Variants in PHLPP1 observed in about 807,000 individuals in gnomAD.
PHLPP1 encodes the protein PH domain and leucine rich repeat protein phosphatase 1, also known as PH domain leucine-rich repeat-containing protein phosphatase 1.
In PHLPP1, 42 loss-of-function variants were observed where a neutral mutation model predicts 117.2. The ratio of observed to expected loss-of-function variants is 0.36; its 90% confidence interval spans 0.28 to 0.46. The LOEUF (loss-of-function observed/expected upper bound fraction) is 0.46, where lower values mean the gene tolerates loss of function less well. Among genes scored for constraint, PHLPP1 ranks in the 20% least tolerant of loss-of-function variants. The pLI, the probability that PHLPP1 is intolerant of heterozygous loss-of-function variation, is 1.00. For missense variants in PHLPP1, 2,084 were observed against 2,241.9 expected, an observed-to-expected ratio of 0.93 and a Z score of 1.42; for synonymous variants, 1,042 against 970.7, an observed-to-expected ratio of 1.07 and a Z score of -1.37.
intron 4 of PHLPP1, among the ~76,000 whole-genome samples, chr18:62,886,462 A>G (rs372509874): frequency 6.6e-6 from 1 of 151,946 alleles, no homozygotes; most frequent in South Asian, 2.1e-4. Flanking sequence ...TTTAGTAGAG[A>G]TGGGATCTTG....
At chr18:62,882,603 C>T (rs891184353) in intron 4 of PHLPP1, among the ~76,000 whole-genome samples, 1 of 152,140 alleles carries the variant, frequency 6.6e-6, no homozygotes, top group African/African-American at 2.4e-5. Flanking sequence ...ATTCAATACA[C>T]ATTTTTAAAA....
At chr18:62,808,593 C>T (rs1030387681) in intron 1 of PHLPP1, among the ~76,000 whole-genome samples, 1 of 147,242 alleles carries the variant, frequency 6.8e-6, no homozygotes, top group African/African-American at 2.5e-5. Flanking sequence ...ACTCTTGTCG[C>T]CCAGGCTGGG....
intron 1 of PHLPP1, among the ~76,000 whole-genome samples, chr18:62,827,141 C>T (rs951442967): frequency 1.3e-5 from 2 of 152,140 alleles, no homozygotes; most frequent in Non-Finnish European, 1.5e-5. Context: ...GTGCCAAGTG[C>T]GTAAGTAAAA....
intron 4 of PHLPP1, among the ~76,000 whole-genome samples, chr18:62,893,196 C>T (rs1213165925): frequency 6.6e-6 from 1 of 152,046 alleles, no homozygotes; most frequent in Non-Finnish European, 1.5e-5. Context: ...TGCCCACCAA[C>T]ATGGCTGGCT....
At chr18:62,795,281 G>A (rs916381067) in intron 1 of PHLPP1, among the ~76,000 whole-genome samples, 1 of 151,766 alleles carries the variant, frequency 6.6e-6, no homozygotes, top group Non-Finnish European at 1.5e-5. Flanking sequence ...AGTTCACAAC[G>A]AGCCTTGGCA....
chr18:62,975,323 G>T (rs1911156660), intron 15 of PHLPP1, 74 bp from the exon 16 acceptor site: 2 of 975,778 alleles, frequency 2.0e-6, no homozygotes, highest in African/African-American at 1.6e-5. Flanking sequence ...CAGTGGTGCG[G>T]TCTTGCTGTT....
chr18:62,729,387 G>A (rs763926382), intron 1 of PHLPP1, among the ~76,000 whole-genome samples: 9 of 152,096 alleles, frequency 5.9e-5, no homozygotes, highest in African/African-American at 1.7e-4. Context: ...GAAAATCTCC[G>A]GACCCATTGC....
intron 4 of PHLPP1, among the ~76,000 whole-genome samples, chr18:62,862,601 G>T (rs1193518238): frequency 6.6e-6 from 1 of 152,168 alleles, no homozygotes; most frequent in East Asian, 1.9e-4. Context: ...TAGTTTGTCA[G>T]TTGCTCTTTC....
At chr18:62,962,888 A>C (rs1190372902) in intron 13 of PHLPP1, among the ~76,000 whole-genome samples, 1 of 152,156 alleles carries the variant, frequency 6.6e-6, no homozygotes, top group Non-Finnish European at 1.5e-5. Flanking sequence ...TAATATTTGG[A>C]GGGGTTATAT....
At chr18:62,769,271 C>T (rs1444132825) in intron 1 of PHLPP1, among the ~76,000 whole-genome samples, 1 of 152,146 alleles carries the variant, frequency 6.6e-6, no homozygotes, top group Non-Finnish European at 1.5e-5. Flanking sequence ...ATTGTGGAAT[C>T]AGAAGTCCAG....
chr18:62,881,817 G>A (rs1221235660), intron 4 of PHLPP1, among the ~76,000 whole-genome samples: 1 of 152,238 alleles, frequency 6.6e-6, no homozygotes. Context: ...CCAAGAAACT[G>A]AGAAGATGTG....
intron 15 of PHLPP1, among the ~76,000 whole-genome samples, chr18:62,973,309 A>G (rs1436181394): frequency 6.6e-6 from 1 of 152,194 alleles, no homozygotes; most frequent in African/African-American, 2.4e-5. Context: ...TGCTGTAGAA[A>G]TTGTGGAATA....
chr18:62,795,678 A>G (rs1275663927), intron 1 of PHLPP1, among the ~76,000 whole-genome samples: 2 of 152,128 alleles, frequency 1.3e-5, no homozygotes, highest in Non-Finnish European at 2.9e-5. Flanking sequence ...ATGAAAACTT[A>G]TCTTCTATCC....
intron 12 of PHLPP1, among the ~76,000 whole-genome samples, chr18:62,955,338 G>T (rs988488957): frequency 1.3e-5 from 2 of 152,210 alleles, no homozygotes; most frequent in Admixed American, 6.5e-5. Flanking sequence ...ACACCTGGGA[G>T]CAGGCTGACG....
At chr18:62,742,919 G>A (rs950739097) in intron 1 of PHLPP1, among the ~76,000 whole-genome samples, 2 of 152,120 alleles carry the variant, frequency 1.3e-5, no homozygotes, top group Non-Finnish European at 2.9e-5. Context: ...GAACATCAAG[G>A]ATGTTTGATT....
At chr18:62,853,271 A>T (rs535075841) in intron 3 of PHLPP1, among the ~76,000 whole-genome samples, 1 of 152,218 alleles carries the variant, frequency 6.6e-6, no homozygotes, top group East Asian at 1.9e-4. Context: ...ATTTTGATGT[A>T]TCTCTCAGGG....
intron 10 of PHLPP1, among the ~76,000 whole-genome samples, chr18:62,925,805 CA>C (rs767302704): frequency 2.2e-4 from 33 of 152,182 alleles, no homozygotes; most frequent in Middle Eastern, 3.4e-3. Context: ...GAGTACTTAC[CA>C]AACATGCAGA....
chr18:62,734,432 T>C (rs769565368), intron 1 of PHLPP1, among the ~76,000 whole-genome samples: 2 of 152,236 alleles, frequency 1.3e-5, no homozygotes, highest in Non-Finnish European at 2.9e-5. Flanking sequence ...TATCCATGGC[T>C]GTAAAACCTG....
chr18:62,873,484 A>C (rs2144375803), intron 4 of PHLPP1, among the ~76,000 whole-genome samples: 1 of 152,292 alleles, frequency 6.6e-6, no homozygotes, highest in Middle Eastern at 3.4e-3. Flanking sequence ...ATAATGTTTC[A>C]ATTGTTTGTT....
Sources: gnomAD v4.1 joint callset for allele counts (sites outside exome capture counted in the v4.1 genomes callset) on GRCh38, gnomAD v4.1.1 for gene constraint, MANE v1.5 for transcripts, NCBI Gene and HGNC (gene_info 2026-07-23, HGNC 2026-07-21) for gene names.